Variants in RIMS2 observed in about 807,000 individuals in gnomAD.
RIMS2 encodes the protein regulating synaptic membrane exocytosis 2, also known as regulating synaptic membrane exocytosis protein 2.
A neutral mutation model predicts 174.4 loss-of-function variants in RIMS2; 59 were observed. The ratio of observed to expected loss-of-function variants is 0.34; its 90% CI spans 0.27 to 0.42. The LOEUF is 0.42. Among genes scored for constraint, RIMS2 ranks in the 10% least tolerant of loss-of-function variants. The probability of loss-of-function intolerance (pLI) is 1.00; values close to 1 mark genes in which losing one functional copy is unlikely to be tolerated. For missense variants in RIMS2, 1,620 were observed against 1,666.3 expected (o/e 0.97, Z 0.48); for synonymous variants, 606 against 572.5 (o/e 1.06, Z -0.84).
intron 1 of RIMS2, among the ~76,000 whole-genome samples, chr8:103,528,999 C>T (rs747231973): frequency 2.9e-4 from 44 of 152,274 alleles, no homozygotes; most frequent in Non-Finnish European, 5.3e-4. Flanking sequence ...GCCAGTTTCA[C>T]GATACTGAGT....
intron 19 of RIMS2, among the ~76,000 whole-genome samples, chr8:104,070,685 T>A (rs1482171960): frequency 1.3e-5 from 2 of 152,166 alleles, no homozygotes; most frequent in Non-Finnish European, 2.9e-5. Context: ...ACTAAATTTT[T>A]TGTAAATGTG....
chr8:103,979,712 C>A (rs1265718413), intron 16 of RIMS2, among the ~76,000 whole-genome samples: 3 of 152,202 alleles, frequency 2.0e-5, no homozygotes, highest in African/African-American at 4.8e-5. Context: ...CTTTAATCAC[C>A]AATGCCATCC....
chr8:104,018,802 T>A (rs1318393019), intron 19 of RIMS2, among the ~76,000 whole-genome samples: 3 of 152,162 alleles, frequency 2.0e-5, no homozygotes, highest in Non-Finnish European at 2.9e-5. Flanking sequence ...TATATTTTTT[T>A]CCTAAAATAA....
intron 13 of RIMS2, among the ~76,000 whole-genome samples, chr8:103,939,499 A>C (rs2082052066): frequency 6.6e-6 from 1 of 152,208 alleles, no homozygotes; most frequent in Non-Finnish European, 1.5e-5. Context: ...CTAGGCCTCC[A>C]GGCCTGTGAT....
chr8:104,122,117 G>A (rs2098383477), intron 19 of RIMS2, among the ~76,000 whole-genome samples: 1 of 152,136 alleles, frequency 6.6e-6, no homozygotes, highest in African/African-American at 2.4e-5. Flanking sequence ...GGGTGACAGT[G>A]TGTGTCAGTC....
intron 19 of RIMS2, among the ~76,000 whole-genome samples, chr8:104,040,915 A>G (rs1193242644): frequency 6.6e-6 from 1 of 151,648 alleles, no homozygotes; most frequent in Non-Finnish European, 1.5e-5. Context: ...TCTTTTCTTC[A>G]GATAATTAAA....
intron 1 of RIMS2, among the ~76,000 whole-genome samples, chr8:103,605,293 G>T (rs957244186): frequency 6.2e-5 from 9 of 144,468 alleles, no homozygotes; most frequent in African/African-American, 2.4e-4. Context: ...TTTGTATGCT[G>T]GATTACATTT....
At chr8:103,797,178 CT>C (rs1263771551) in intron 3 of RIMS2, among the ~76,000 whole-genome samples, 2 of 152,100 alleles carry the variant, frequency 1.3e-5, no homozygotes, top group South Asian at 2.1e-4. Flanking sequence ...TAAATCTTAC[CT>C]TTTTCTTCAA....
intron 19 of RIMS2, among the ~76,000 whole-genome samples, chr8:104,239,945 A>C (rs1166705490): frequency 6.6e-6 from 1 of 152,136 alleles, no homozygotes; most frequent in Non-Finnish European, 1.5e-5. Flanking sequence ...GACAGAATCC[A>C]ATTCCTTACA....
At chr8:103,676,895 A>G (rs1362215507) in intron 1 of RIMS2, among the ~76,000 whole-genome samples, 1 of 152,162 alleles carries the variant, frequency 6.6e-6, no homozygotes, top group East Asian at 1.9e-4. Context: ...GAGGCAGGAG[A>G]ATAGCTTGAA....
chr8:104,092,718 A>C (rs1359651688), intron 19 of RIMS2, among the ~76,000 whole-genome samples: 1 of 151,892 alleles, frequency 6.6e-6, no homozygotes, highest in Non-Finnish European at 1.5e-5. Context: ...TTACATCTCA[A>C]CAAGAGGACT....
At chr8:103,975,735 G>C (rs1346541583) in intron 16 of RIMS2, 1 of 351,492 alleles carries the variant, frequency 2.8e-6, no homozygotes, top group African/African-American at 2.1e-5. Flanking sequence ...CTTAAAACCA[G>C]GGAAGCTGAC....
At chr8:103,593,770 CAG>C (rs1444326123) in intron 1 of RIMS2, among the ~76,000 whole-genome samples, 8 of 150,906 alleles carry the variant, frequency 5.3e-5, no homozygotes, top group Admixed American at 2.0e-4. Flanking sequence ...CAATACATAA[CAG>C]ATAACTTATG....
At chr8:103,910,638 A>G (rs1594977608) in intron 5 of RIMS2, 109 bp downstream of exon 8, 1 of 616,704 alleles carries the variant, frequency 1.6e-6, no homozygotes, top group Non-Finnish European at 2.7e-6. Context: ...CTCAAGGGTC[A>G]CTGTAGCATT....
chr8:104,095,457 G>A (rs1310204898), intron 19 of RIMS2, among the ~76,000 whole-genome samples: 1 of 152,100 alleles, frequency 6.6e-6, no homozygotes, highest in Admixed American at 6.6e-5. Context: ...CTTTGAACAG[G>A]GAGAAGGGCA....
chr8:103,577,853 A>G (rs2093357077), intron 1 of RIMS2, among the ~76,000 whole-genome samples: 1 of 152,210 alleles, frequency 6.6e-6, no homozygotes, highest in Non-Finnish European at 1.5e-5. Flanking sequence ...AAATGGATGA[A>G]GCAGAGGTAA....
rs137931506 is a variant in RIMS2, at chr8:104,223,759, T to A, written c.3335-21157T>A. 24 of 1,596,276 alleles carry A rather than the reference T, an allele frequency of 1.5e-5. No homozygotes were observed. In the African/African-American group the frequency reaches 2.8e-4, roughly 19 times the overall value. On this transcript the variant is annotated intron_variant, in intron 19 of 23. Transcript: ENST00000504942. ...CCTTCGAGGCACTGGCCGGCTACTT[T>A]CCCTGCATGAACTCCCTGGAGGAGG...
chr8:103,783,629 G>A (rs1410012076), intron 3 of RIMS2, among the ~76,000 whole-genome samples: 1 of 151,868 alleles, frequency 6.6e-6, no homozygotes, highest in Non-Finnish European at 1.5e-5. Flanking sequence ...AGTATTCCAT[G>A]GTGTATATGT....
chr8:104,132,152 A>G (rs142812527), intron 19 of RIMS2, among the ~76,000 whole-genome samples: 4 of 152,304 alleles, frequency 2.6e-5, no homozygotes, highest in African/African-American at 7.2e-5. Flanking sequence ...CATAATTAGA[A>G]CTAAGATAAA....
Sources: allele counts gnomAD v4.1 joint callset (sites outside exome capture counted in the v4.1 genomes callset), GRCh38; gene constraint gnomAD v4.1.1; transcripts MANE v1.5; gene names NCBI Gene and HGNC (gene_info 2026-07-23, HGNC 2026-07-21).